The following PPM1E variants were observed in gnomAD, a reference collection of about 807,000 sequenced individuals.
PPM1E encodes protein phosphatase 1E.
PPM1E carries 20 observed loss-of-function variants against 65.9 expected under a neutral mutation model. That is an observed-to-expected ratio of 0.30 (90% confidence interval 0.21 to 0.44). The LOEUF is 0.44. PPM1E is among the 20% of genes least tolerant of loss of function. PPM1E has a pLI of 1.00. For synonymous variants in PPM1E, 352 were observed against 374.9 expected, an observed-to-expected ratio of 0.94 and a Z score of 0.70; for missense variants, 713 against 953.1, an observed-to-expected ratio of 0.75 and a Z score of 3.32.
At chr17:58,882,606 G>C (rs2051209718) in intron 1 of PPM1E, among the ~76,000 whole-genome samples, 1 of 152,060 alleles carries the variant, frequency 6.6e-6, no homozygotes, top group African/African-American at 2.4e-5. Flanking sequence ...GGCCAGGCTG[G>C]TCTCAAACTC....
Position 58,981,165 on chromosome 17 carries a change from A to G in PPM1E, c.*134A>G, listed in dbSNP as rs1258720671. 3 of 666,906 alleles carry G rather than the reference A, an allele frequency of 4.5e-6. No individual in the cohort carries two copies. Among genetic ancestry groups the G allele is most frequent in the Non-Finnish European group, 4.9e-6 (2 of 405,138 alleles). 41.3% of individuals were successfully genotyped at this position (666,906 alleles called of 1,614,324 possible). A position where few individuals can be genotyped will look rare whatever the true frequency, so the allele number is the denominator to read the frequency against. Reference sequence around the variant, plus strand: ...GATGGCTCAATTCTTAAATGTAAATAGATCTCTAGGAAACTCAAAGTACAG... The same window carrying G: ...GATGGCTCAATTCTTAAATGTAAATGGATCTCTAGGAAACTCAAAGTACAG... On this transcript the variant is annotated 3_prime_UTR_variant, in exon 7 of 7. Coordinates refer to ENST00000308249, the MANE Select transcript of PPM1E (RefSeq NM_014906.5).
In PPM1E at chr17:58,891,939, G is replaced by T. The variant is rs140309761; in HGVS notation, c.465-63710G>T. On this transcript the variant is annotated intron_variant, in intron 1 of 6. Transcript: ENST00000308249. ...CAACCTGCACCTCCCCGGTTCAAAT[G>T]ATTTTCATGTCTCAGCCACCCAAAT... Among the ~76,000 whole-genome samples, 466 of 140,112 alleles carry T rather than the reference G, an allele frequency of 3.3e-3. 3 individuals carry two copies. The highest frequency in any genetic ancestry group is 3.0e-3 in the Admixed American group (39 of 12,986). 91.9% of individuals were successfully genotyped at this position (140,112 alleles called of 152,430 possible).
rs987438080 is a variant in PPM1E at position 58,756,261 on chromosome 17, G to C, written c.264G>C (p.Glu88Asp). Residue 88 changes from glutamate (E) to aspartate (D), a missense_variant, in exon 1 of 7, where the codon GAG becomes GAC. Transcript: ENST00000308249. ...ACCAGGAGCAAGACCCGGAGCCCGAGGAGGAGGCGGCGGTTGAGGGTGAGG... is the reference window on the plus strand; with the variant it reads ...ACCAGGAGCAAGACCCGGAGCCCGACGAGGAGGCGGCGGTTGAGGGTGAGG... ...EGDQEQDPEP[E>D]EEAAVEGEEE... 8.7e-5 allele frequency: 135 copies of C among 1,549,872 alleles called. 1 individual carries two copies. The highest frequency in any genetic ancestry group is 1.4e-4 in the Admixed American group (7 of 50,956).
At chr17:58,944,824 T>G (rs2052125120) in intron 1 of PPM1E, among the ~76,000 whole-genome samples, 2 of 152,180 alleles carry the variant, frequency 1.3e-5, no homozygotes, top group South Asian at 4.1e-4. Context: ...TGAATATATG[T>G]TTTTATTTCT....
At chr17:58,804,010 C>A (rs1286880953) in intron 1 of PPM1E, among the ~76,000 whole-genome samples, 1 of 152,164 alleles carries the variant, frequency 6.6e-6, no homozygotes, top group Non-Finnish European at 1.5e-5. Flanking sequence ...CTCACTGAGA[C>A]CTTAAACTCT....
At chr17:58,935,635 A>G (rs1023394872) in intron 1 of PPM1E, among the ~76,000 whole-genome samples, 2 of 152,138 alleles carry the variant, frequency 1.3e-5, no homozygotes, top group East Asian at 3.8e-4. Context: ...AAGCCCTCTT[A>G]TTTTTGTGAT....
At chr17:58,775,598 A>T (rs1054034403) in intron 1 of PPM1E, among the ~76,000 whole-genome samples, 2 of 152,122 alleles carry the variant, frequency 1.3e-5, no homozygotes, top group Non-Finnish European at 2.9e-5. Context: ...TACTGATTAT[A>T]TGTAGTAATA....
chr17:58,825,471 C>A lies in PPM1E; in HGVS notation c.464+69010C>A, dbSNP rs73331045. The stretch of plus-strand genomic sequence containing the variant: ...TAAGCGTTTTTCAATTCAGAAAAAA[C>A]TTAACAGTTTAGAAAGCTTTGTGTT... On this transcript the variant is annotated intron_variant, in intron 1 of 6. Transcript: ENST00000308249. Among the ~76,000 whole-genome samples the A allele has an allele frequency of 9.1e-3, 1,379 of 151,642 alleles. 25 individuals carry two copies. The highest frequency in any genetic ancestry group is 0.031 in the African/African-American group (1,274 of 41,398).
intron 1 of PPM1E, among the ~76,000 whole-genome samples, chr17:58,922,686 CTT>C (rs35870575): frequency 5.0e-4 from 67 of 133,766 alleles, no homozygotes; most frequent in Admixed American, 6.0e-4. Context: ...TCTTGAAGTA[CTT>C]TTTTTTTTTT....
chr17:58,778,400 A>G (rs1420447537), intron 1 of PPM1E, among the ~76,000 whole-genome samples: 2 of 122,076 alleles, frequency 1.6e-5, no homozygotes, highest in African/African-American at 6.1e-5. Context: ...GTGGCTGGCC[A>G]TCTTTTTTTT....
chr17:58,755,945 T>C lies in PPM1E; in HGVS notation c.-53T>C, dbSNP rs1426611418. On this transcript the variant is annotated 5_prime_UTR_variant, in exon 1 of 7. Coordinates refer to ENST00000308249, the MANE Select transcript of PPM1E (RefSeq NM_014906.5). ...TAGGCTCAAAAGCAGCCCCTTACCCTTCCTGGGCTTCCCCCAACCCCTTTC... is the reference window on the plus strand; with the variant it reads ...TAGGCTCAAAAGCAGCCCCTTACCCCTCCTGGGCTTCCCCCAACCCCTTTC... The C allele has an allele frequency of 5.0e-6, 8 of 1,610,802 alleles. No individual in the cohort carries two copies. In the East Asian group the frequency reaches 1.8e-4, roughly 36 times the overall value.
At chr17:58,861,800 G>A (rs1598615342) in intron 1 of PPM1E, among the ~76,000 whole-genome samples, 1 of 152,052 alleles carries the variant, frequency 6.6e-6, no homozygotes, top group Admixed American at 6.5e-5. Flanking sequence ...GGTGGCGTGT[G>A]CCTGTAGTCC....
At chr17:58,787,977 A>G (rs2050118911) in intron 1 of PPM1E, among the ~76,000 whole-genome samples, 1 of 152,084 alleles carries the variant, frequency 6.6e-6, no homozygotes, top group Non-Finnish European at 1.5e-5. Flanking sequence ...TAAAACATGA[A>G]AATGCCAGTT....
chr17:58,778,688 C>T lies in PPM1E; in HGVS notation c.464+22227C>T, dbSNP rs377077774. 6.7e-4 allele frequency among the ~76,000 whole-genome samples: 102 copies of T among 151,662 alleles called. No individual in the cohort carries two copies. The South Asian group carries it at 0.02, about 29-fold the overall frequency. ...GCTTCCCAGAGCTGAAATTACAACT[C>T]TGATTCTCAGGCTGAGATTACAGGC... On this transcript the variant is annotated intron_variant, in intron 1 of 6. Transcript: ENST00000308249.
At position 58,983,064 on chromosome 17, in the gene PPM1E, G is replaced by A. The variant is rs578118112; in HGVS notation, c.*2033G>A. ...TTTGATCAGAATAAAGAGGGTAAAG[G>A]GAAAAAGTTACTACACATGCTAGGC... On this transcript the variant is annotated 3_prime_UTR_variant, in exon 7 of 7. Transcript: ENST00000308249. 1.9e-5 allele frequency: 14 copies of A among 726,302 alleles called. No individual in the cohort carries two copies. The highest frequency in any genetic ancestry group is 2.9e-5 in the Admixed American group (1 of 34,180). The allele number at this position is 726,302 out of a possible 1,614,324, so 45.0% of individuals were successfully genotyped here.
chr17:58,955,322 G>A (rs950088206), intron 1 of PPM1E, among the ~76,000 whole-genome samples: 3 of 152,092 alleles, frequency 2.0e-5, no homozygotes, highest in East Asian at 1.9e-4. Flanking sequence ...CCCAAATCAC[G>A]CCATTGCACT....
chr17:58,838,410 G>A (rs1483184271), intron 1 of PPM1E, among the ~76,000 whole-genome samples: 5 of 152,154 alleles, frequency 3.3e-5, no homozygotes, highest in African/African-American at 1.2e-4. Flanking sequence ...TGTAGAGACA[G>A]CAAATAAACA....
At chr17:58,839,367 G>C (rs529162917) in intron 1 of PPM1E, among the ~76,000 whole-genome samples, 2 of 152,082 alleles carry the variant, frequency 1.3e-5, no homozygotes, top group East Asian at 1.9e-4. Context: ...AATTCAGGAG[G>C]CCACGGGATT....
chr17:58,827,035 A>G (rs763199568), intron 1 of PPM1E, among the ~76,000 whole-genome samples: 4 of 151,946 alleles, frequency 2.6e-5, no homozygotes, highest in Admixed American at 6.6e-5. Flanking sequence ...CTTCTTTGTA[A>G]TAAGTTGCAT....
Sources: allele counts gnomAD v4.1 joint callset (sites outside exome capture counted in the v4.1 genomes callset), GRCh38; gene constraint gnomAD v4.1.1; transcripts MANE v1.5; gene names NCBI Gene and HGNC (gene_info 2026-07-23, HGNC 2026-07-21).